ATP10B: variants seen among roughly 807,000 people sequenced by gnomAD.
ATP10B encodes phospholipid-transporting ATPase VB.
ATP10B carries 122 observed loss-of-function variants against 141.2 expected under a neutral mutation model. That is an observed-to-expected ratio of 0.86 (90% CI 0.75 to 1.00). The LOEUF (loss-of-function observed/expected upper bound fraction) is 1.00, where lower values mean the gene tolerates loss of function less well. Among genes scored for constraint, ATP10B ranks in the 50% least tolerant of loss-of-function variants. The probability of loss-of-function intolerance (pLI) is 0.00; values close to 1 mark genes in which losing one functional copy is unlikely to be tolerated. For missense variants in ATP10B, 1,876 were observed against 1,825.3 expected (o/e 1.03, Z -0.51); for synonymous variants, 685 against 692.0 (o/e 0.99, Z 0.16).
chr5:160,729,508 G>A (rs1415897298), intron 2 of ATP10B, among the ~76,000 whole-genome samples: 1 of 152,170 alleles, frequency 6.6e-6, no homozygotes, highest in African/African-American at 2.4e-5. Flanking sequence ...ATTGAGTCAT[G>A]GAAGCAGCTA....
At chr5:160,667,609 T>C (rs933580324) in intron 7 of ATP10B, among the ~76,000 whole-genome samples, 1 of 152,234 alleles carries the variant, frequency 6.6e-6, no homozygotes, top group Non-Finnish European at 1.5e-5. Flanking sequence ...TTGTTTTTCT[T>C]TTTGTAAATC....
chr5:160,652,552 G>C (rs989762981), intron 7 of ATP10B, among the ~76,000 whole-genome samples: 1 of 144,452 alleles, frequency 6.9e-6, no homozygotes, highest in Non-Finnish European at 1.5e-5. Context: ...TCGACTTCCC[G>C]GGTTCAAACA....
intron 2 of ATP10B, among the ~76,000 whole-genome samples, chr5:160,783,265 G>A (rs891835923): frequency 6.6e-6 from 1 of 151,470 alleles, no homozygotes; most frequent in Admixed American, 6.6e-5. Context: ...GAGAACATAC[G>A]ACGTTTGGTT....
intron 1 of ATP10B, among the ~76,000 whole-genome samples, chr5:160,814,361 G>C (rs576102503): frequency 2.3e-3 from 345 of 152,258 alleles, no homozygotes; most frequent in Non-Finnish European, 3.5e-3. Flanking sequence ...TAGCCGATTC[G>C]ATCAACTGGA....
At chr5:160,807,714 T>A (rs1173732225) in intron 1 of ATP10B, among the ~76,000 whole-genome samples, 1 of 152,216 alleles carries the variant, frequency 6.6e-6, no homozygotes, top group Non-Finnish European at 1.5e-5. Context: ...CAGAACTATT[T>A]GATCATACAA....
intron 8 of ATP10B, among the ~76,000 whole-genome samples, chr5:160,645,745 C>T (rs996138192): frequency 6.6e-6 from 1 of 152,032 alleles, no homozygotes; most frequent in Admixed American, 6.6e-5. Context: ...AATAATAATC[C>T]GAACTCTTAG....
At chr5:160,755,834 A>G (rs1262855309) in intron 2 of ATP10B, among the ~76,000 whole-genome samples, 1 of 65,982 alleles carries the variant, frequency 1.5e-5, no homozygotes, top group Non-Finnish European at 2.5e-5. Context: ...AAAAAAAAAA[A>G]AAAAATATAT....
At chr5:160,900,624 TA>T in the ATP10B span, among the ~76,000 whole-genome samples, 4 of 152,228 alleles carry the variant, frequency 2.6e-5, no homozygotes, top group African/African-American at 7.2e-5. Flanking sequence ...GAAATGTATT[TA>T]ATGTAGAAGT....
intron 2 of ATP10B, among the ~76,000 whole-genome samples, chr5:160,725,925 T>G (rs778568077): frequency 5.9e-5 from 9 of 152,144 alleles, no homozygotes; most frequent in Non-Finnish European, 1.2e-4. Flanking sequence ...TTGATTATAA[T>G]TCTGTAGAGA....
chr5:160,786,582 C>A (rs1329868555), intron 1 of ATP10B, among the ~76,000 whole-genome samples: 1 of 152,150 alleles, frequency 6.6e-6, no homozygotes, highest in African/African-American at 2.4e-5. Context: ...TACTGCCTAA[C>A]TTCTTTCAGT....
Position 160,687,923 on chromosome 5 carries a change from T to C in ATP10B, c.152A>G (p.Asn51Ser). 3 of 1,614,146 alleles carry C rather than the reference T, an allele frequency of 1.9e-6. No homozygotes were observed. Among genetic ancestry groups the C allele is most frequent in the Non-Finnish European group, 2.5e-6 (3 of 1,180,030 alleles). ...NLTQQRVVFP[N>S]NSIFHQDWEE... ...CCAATCTTGATGGAATATGCTGTTG[T>C]TGGGGAACACGACCCGCTGCTGTGT... Residue 51 changes from asparagine (N) to serine (S), a missense_variant, in exon 5 of 26, where the codon AAC becomes AGC. Physicochemically the swap from Asn to Ser is conservative, Grantham distance 46 (BLOSUM62 1). Transcript: ENST00000327245.
chr5:160,734,759 C>G (rs1561800735), intron 2 of ATP10B, among the ~76,000 whole-genome samples: 3 of 151,774 alleles, frequency 2.0e-5, no homozygotes, highest in African/African-American at 7.3e-5. Context: ...AAATAGTAGA[C>G]TAAGACGTAA....
the ATP10B span, among the ~76,000 whole-genome samples, chr5:160,926,081 C>T: frequency 1.3e-5 from 2 of 152,214 alleles, no homozygotes; most frequent in Middle Eastern, 3.2e-3. Context: ...TATCACTTAC[C>T]ACCTGGTGAC....
At chr5:160,632,058 T>C (rs1389914739) in intron 13 of ATP10B, 71 bp downstream of exon 13, 1 of 1,439,426 alleles carries the variant, frequency 6.9e-7, no homozygotes, top group Non-Finnish European at 9.4e-7. Context: ...TTTTTCTTTT[T>C]CACATTCCAG....
chr5:160,724,251 CTT>C (rs35786358), intron 2 of ATP10B, among the ~76,000 whole-genome samples: 51 of 107,072 alleles, frequency 4.8e-4, no homozygotes, highest in East Asian at 2.6e-3. Context: ...GCTATAATTC[CTT>C]TTTTTTTTTT....
At chr5:160,804,021 C>T (rs780652750) in intron 1 of ATP10B, among the ~76,000 whole-genome samples, 21 of 151,842 alleles carry the variant, frequency 1.4e-4, no homozygotes, top group Non-Finnish European at 2.6e-4. Flanking sequence ...GTTACTGTGC[C>T]CTGATGTCCT....
chr5:160,775,433 C>T (rs1353374098), intron 2 of ATP10B, among the ~76,000 whole-genome samples: 1 of 152,102 alleles, frequency 6.6e-6, no homozygotes, highest in Non-Finnish European at 1.5e-5. Flanking sequence ...GTTTTTTAAC[C>T]TCTGAGGATT....
At chr5:160,894,115 G>A in the ATP10B span, among the ~76,000 whole-genome samples, 1 of 152,068 alleles carries the variant, frequency 6.6e-6, no homozygotes, top group East Asian at 1.9e-4. Context: ...GCTGAAAATT[G>A]CATAAACCAG....
intron 12 of ATP10B, 96 bp from the exon 13 acceptor site, chr5:160,632,463 G>C: frequency 8.5e-7 from 1 of 1,171,330 alleles, no homozygotes; most frequent in Non-Finnish European, 1.3e-6. Context: ...TAAGAGCATG[G>C]GAAGGGCCTA....
Sources: gnomAD v4.1 joint callset for allele counts (sites outside exome capture counted in the v4.1 genomes callset) on GRCh38, gnomAD v4.1.1 for gene constraint, MANE v1.5 for transcripts, NCBI Gene and HGNC (gene_info 2026-07-23, HGNC 2026-07-21) for gene names.